Variants in SLC17A1 observed in about 807,000 individuals in gnomAD.
The protein encoded by SLC17A1 is sodium-dependent phosphate transport protein 1.
Under a neutral mutation model 53.5 loss-of-function variants are expected in SLC17A1, and 51 were observed. The observed-to-expected ratio is 0.95, with a 90% CI of 0.76 to 1.20. SLC17A1 has a LOEUF of 1.20. Ranked by LOEUF, SLC17A1 falls within the 50% of genes most tolerant of loss-of-function variation. The pLI, the probability that SLC17A1 is intolerant of heterozygous loss-of-function variation, is 0.00. For missense variants in SLC17A1, 538 were observed against 568.2 expected (o/e 0.95, Z 0.54); for synonymous variants, 179 against 198.8 (o/e 0.90, Z 0.84).
chr6:25,771,369 T>A, the SLC17A1 span, among the ~76,000 whole-genome samples: 1 of 151,548 alleles, frequency 6.6e-6, no homozygotes, highest in Non-Finnish European at 1.5e-5. Flanking sequence ...AGTCCAGGAG[T>A]TTGAAACCAG....
intron 12 of SLC17A1, among the ~76,000 whole-genome samples, chr6:25,797,835 T>A (rs1389683914): frequency 2.6e-5 from 4 of 152,114 alleles, no homozygotes; most frequent in Admixed American, 2.6e-4. Context: ...CCTGACCTCA[T>A]GATCCACCCG....
At chr6:25,790,342 C>T (rs1216626747) in intron 12 of SLC17A1, among the ~76,000 whole-genome samples, 1 of 152,040 alleles carries the variant, frequency 6.6e-6, no homozygotes, top group Non-Finnish European at 1.5e-5. Context: ...GAATTCAGTC[C>T]CAGGAAAGTT....
At chr6:25,729,608 A>G in the SLC17A1 span, among the ~76,000 whole-genome samples, 1 of 152,200 alleles carries the variant, frequency 6.6e-6, no homozygotes, top group Non-Finnish European at 1.5e-5. Context: ...ATCTACCTTC[A>G]TATATATTTG....
chr6:25,831,151 C>T (rs765396681), intron 1 of SLC17A1, among the ~76,000 whole-genome samples: 4 of 152,110 alleles, frequency 2.6e-5, no homozygotes, highest in Non-Finnish European at 4.4e-5. Flanking sequence ...TGCCCCTGTC[C>T]GTATCTTCAG....
chr6:25,796,514 G>A (rs1763606228), intron 12 of SLC17A1, among the ~76,000 whole-genome samples: 1 of 152,040 alleles, frequency 6.6e-6, no homozygotes. Flanking sequence ...GCTGAGGCAC[G>A]AGGATTACTT....
At chr6:25,728,816 A>G in the SLC17A1 span, among the ~76,000 whole-genome samples, 1 of 152,236 alleles carries the variant, frequency 6.6e-6, no homozygotes, top group Non-Finnish European at 1.5e-5. Flanking sequence ...TCCGTCTCAA[A>G]CACAAACAAA....
the SLC17A1 span, chr6:25,777,146 A>G: frequency 1.5e-6 from 1 of 655,716 alleles, no homozygotes; most frequent in East Asian, 2.9e-5. Flanking sequence ...TTGTGAACTT[A>G]GTTTTTCTGG....
the SLC17A1 span, chr6:25,777,828 T>A: frequency 1.0e-6 from 1 of 970,332 alleles, no homozygotes; most frequent in South Asian, 1.4e-5. Context: ...ATATTAACCC[T>A]TTGTTTGCAC....
At chr6:25,725,748 G>C in the SLC17A1 span, among the ~76,000 whole-genome samples, 1 of 152,202 alleles carries the variant, frequency 6.6e-6, no homozygotes, top group African/African-American at 2.4e-5. Context: ...CTACAGGCCT[G>C]CATCACCAGA....
At chr6:25,777,824 AC>A in the SLC17A1 span, 1 of 905,216 alleles carries the variant, frequency 1.1e-6, no homozygotes. Flanking sequence ...GCTGATATTA[AC>A]CCTTTGTTTG....
intron 12 of SLC17A1, among the ~76,000 whole-genome samples, chr6:25,792,127 T>C (rs1763514328): frequency 6.6e-6 from 1 of 152,190 alleles, no homozygotes; most frequent in Admixed American, 6.5e-5. Flanking sequence ...CTCAGTTCCC[T>C]GAAAATCTGC....
chr6:25,814,010 GT>G (rs1764251949), intron 6 of SLC17A1, among the ~76,000 whole-genome samples: 1 of 152,196 alleles, frequency 6.6e-6, no homozygotes, highest in Non-Finnish European at 1.5e-5. Flanking sequence ...TTGACTCCAT[GT>G]CTTTGCTATT....
At chr6:25,830,064 C>T (rs889920293) in intron 2 of SLC17A1, among the ~76,000 whole-genome samples, 3 of 152,144 alleles carry the variant, frequency 2.0e-5, no homozygotes, top group African/African-American at 4.8e-5. Flanking sequence ...ATTGACACAA[C>T]GCTAAACCAA....
At chr6:25,770,147 C>A in the SLC17A1 span, 1 of 1,614,086 alleles carries the variant, frequency 6.2e-7, no homozygotes, top group Non-Finnish European at 8.5e-7. Context: ...TGGCTCCAAT[C>A]CCCAGTGGCT....
At position 25,826,557 on chromosome 6, in the gene SLC17A1, A is replaced by G; in HGVS notation, c.111T>C (p.Arg37=). Residue 37 remains arginine, a synonymous_variant, in exon 3 of 13, where the codon CGT becomes CGC. Transcript: ENST00000244527. ...HCCNVIITAQ[R]ACLNLTMVVM... Reference sequence around the variant, plus strand: ...CTACCATTGTGAGGTTCAGGCACGCACGCTGTGCTGTTATTATAACATTAC... The same window carrying G: ...CTACCATTGTGAGGTTCAGGCACGCGCGCTGTGCTGTTATTATAACATTAC... 6.2e-7 allele frequency: 1 copy of G among 1,612,534 alleles called. No homozygotes were observed. The highest frequency in any genetic ancestry group is 8.5e-7 in the Non-Finnish European group (1 of 1,178,990).
chr6:25,760,559 C>T, the SLC17A1 span, among the ~76,000 whole-genome samples: 13 of 152,194 alleles, frequency 8.5e-5, no homozygotes, highest in South Asian at 6.2e-4. Context: ...TAAAGTATTG[C>T]CTTTTCTCAG....
the SLC17A1 span, among the ~76,000 whole-genome samples, chr6:25,728,496 T>C: frequency 2.6e-5 from 4 of 152,230 alleles, no homozygotes; most frequent in African/African-American, 7.2e-5. Context: ...AAATTTTGGA[T>C]ATGTATATGT....
the SLC17A1 span, chr6:25,773,238 C>A: frequency 6.6e-7 from 1 of 1,505,440 alleles, no homozygotes; most frequent in Non-Finnish European, 9.2e-7. Context: ...AGAAGTACTT[C>A]AATCCATCCA....
chr6:25,805,923 A>C (rs1478633242), intron 10 of SLC17A1, among the ~76,000 whole-genome samples: 3 of 152,032 alleles, frequency 2.0e-5, no homozygotes, highest in Non-Finnish European at 4.4e-5. Context: ...AGGGCCAGAC[A>C]GATTCACAGC....
Sources: allele counts gnomAD v4.1 joint callset (sites outside exome capture counted in the v4.1 genomes callset), GRCh38; gene constraint gnomAD v4.1.1; transcripts MANE v1.5; gene names NCBI Gene and HGNC (gene_info 2026-07-23, HGNC 2026-07-21).